CPEB1: variants seen among roughly 807,000 people sequenced by gnomAD.
CPEB1 encodes cytoplasmic polyadenylation element-binding protein 1.
A neutral mutation model predicts 65.8 loss-of-function variants in CPEB1; 7 were observed. That is an observed-to-expected ratio of 0.11 (90% CI 0.06 to 0.20). The LOEUF (loss-of-function observed/expected upper bound fraction) is 0.20. CPEB1 is among the 10% of genes least tolerant of loss of function. CPEB1 has a pLI of 1.00. For missense variants in CPEB1, 551 were observed against 712.2 expected (o/e 0.77, Z 2.58); for synonymous variants, 262 against 260.0 (o/e 1.01, Z -0.08).
At chr15:82,647,773 G>A (rs939880335), upstream of CPEB1, 21 of 1,178,054 alleles carry the variant, frequency 1.8e-5, no homozygotes, top group Non-Finnish European at 2.1e-5. Context: ...GGGTACCGCG[G>A]CGCCGGACCC....
chr15:82,641,796 G>C (rs2047139761), intron 1 of CPEB1: 1 of 151,306 alleles, frequency 6.6e-6, no homozygotes, highest in South Asian at 2.1e-4. Context: ...ATGCCTAAGT[G>C]TTCTCCTGAA....
intron 8 of CPEB1, among the ~76,000 whole-genome samples, chr15:82,552,831 G>C (rs927190762): frequency 6.6e-6 from 1 of 152,242 alleles, no homozygotes; most frequent in Non-Finnish European, 1.5e-5. Context: ...GGAAAGGACT[G>C]GCAAGCTGAG....
At chr15:82,573,958 T>C (rs531891803) in intron 3 of CPEB1, among the ~76,000 whole-genome samples, 5 of 151,988 alleles carry the variant, frequency 3.3e-5, no homozygotes, top group African/African-American at 9.7e-5. Context: ...GACAAAGTAG[T>C]TCCCATCTCA....
At chr15:82,575,032 C>T (rs1308362561) in intron 3 of CPEB1, among the ~76,000 whole-genome samples, 1 of 152,102 alleles carries the variant, frequency 6.6e-6, no homozygotes, top group African/African-American at 2.4e-5. Flanking sequence ...GTGATGAACA[C>T]CTCATGTAAT....
chr15:82,570,512 C>G (rs1394116905), intron 4 of CPEB1, among the ~76,000 whole-genome samples: 1 of 151,926 alleles, frequency 6.6e-6, no homozygotes, highest in Non-Finnish European at 1.5e-5. Flanking sequence ...ACATTTCTTC[C>G]TGAATACTCC....
intron 1 of CPEB1, among the ~76,000 whole-genome samples, chr15:82,642,101 T>C (rs1468697993): frequency 6.6e-6 from 1 of 152,224 alleles, no homozygotes; most frequent in South Asian, 2.1e-4. Context: ...AAATGCACTG[T>C]TGGGGCAGGT....
At chr15:82,548,639 A>G (rs1031944936) in intron 10 of CPEB1, 1 of 440,552 alleles carries the variant, frequency 2.3e-6, no homozygotes. Context: ...CCAGCAGTTG[A>G]ACTGAACCTC....
chr15:82,610,427 C>T (rs939857965), intron 3 of CPEB1, among the ~76,000 whole-genome samples: 1 of 152,086 alleles, frequency 6.6e-6, no homozygotes, highest in Non-Finnish European at 1.5e-5. Context: ...ATAGACCTAT[C>T]TGTTTATTAA....
intron 3 of CPEB1, among the ~76,000 whole-genome samples, chr15:82,581,537 A>G (rs570016898): frequency 6.6e-6 from 1 of 152,302 alleles, no homozygotes; most frequent in African/African-American, 2.4e-5. Flanking sequence ...TCTTTTCCCC[A>G]GCAGCAGTAC....
At chr15:82,575,404 A>G (rs541305254) in intron 3 of CPEB1, among the ~76,000 whole-genome samples, 2 of 152,350 alleles carry the variant, frequency 1.3e-5, no homozygotes, top group Admixed American at 1.3e-4. Flanking sequence ...GAGGGGGAGT[A>G]CATAGAAGCA....
intron 4 of CPEB1, among the ~76,000 whole-genome samples, chr15:82,558,741 A>G (rs545902651): frequency 1.3e-5 from 2 of 152,332 alleles, no homozygotes; most frequent in Non-Finnish European, 2.9e-5. Flanking sequence ...GGACAGCTCA[A>G]TAATTAGATA....
intron 12 of CPEB1, among the ~76,000 whole-genome samples, chr15:82,545,387 T>C (rs1054087218): frequency 6.6e-6 from 1 of 152,198 alleles, no homozygotes; most frequent in African/African-American, 2.4e-5. Flanking sequence ...ATGGCATCAC[T>C]GCAACAAATT....
chr15:82,619,806 AAACCATC>A lies in CPEB1; in HGVS notation c.271+7380_271+7386del, dbSNP rs1273810134. ...TATTGATGAGGATATGAAACAACCC[AAACCATC>A]GTACACCACTGGAAGTGTAAACTGG... On this transcript the variant is annotated intron_variant, in intron 3 of 12. Coordinates refer to ENST00000684509, the MANE Select transcript of CPEB1 (RefSeq NM_001365242.1). Among the ~76,000 whole-genome samples, 11 of 152,308 alleles carry A rather than the reference AAACCATC, an allele frequency of 7.2e-5. No individual in the cohort carries two copies. The East Asian group carries it at 1.9e-3, about 27-fold the overall frequency.
At chr15:82,578,690 G>A (rs1324347923) in intron 3 of CPEB1, among the ~76,000 whole-genome samples, 1 of 152,060 alleles carries the variant, frequency 6.6e-6, no homozygotes, top group African/African-American at 2.4e-5. Context: ...CCAAGAGGCG[G>A]AGGTTGCAGT....
intron 3 of CPEB1, among the ~76,000 whole-genome samples, chr15:82,576,130 T>C (rs1367563054): frequency 6.6e-6 from 1 of 152,152 alleles, no homozygotes; most frequent in African/African-American, 2.4e-5. Flanking sequence ...CATACTATTA[T>C]TCAGCAATAA....
In CPEB1 at chr15:82,557,939, G is replaced by A; in HGVS notation, c.508C>T (p.Pro170Ser). ...NPLGNVLGKP[P>S]LSFLPLDPLG... ...GGATCCAGAGGCAGGAAGCTCAAGGGGGGTTTTCCTAGGACATTTCCCAGT... is the reference window on the plus strand; with the variant it reads ...GGATCCAGAGGCAGGAAGCTCAAGGAGGGTTTTCCTAGGACATTTCCCAGT... The change falls in exon 5 of 13, where the codon CCC becomes TCC. Residue 170 changes from proline (P) to serine (S), a missense_variant. Around this residue, in one of 6 missense-constraint regions of CPEB1, gnomAD observed 223 missense variants for 228.6 expected, o/e 0.98. Transcript: ENST00000684509. 6.2e-7 allele frequency: 1 copy of A among 1,613,684 alleles called. No homozygotes were observed. The highest frequency in any genetic ancestry group is 1.1e-5 in the South Asian group (1 of 91,042).
intron 3 of CPEB1, among the ~76,000 whole-genome samples, chr15:82,574,283 G>T (rs185620231): frequency 1.1e-4 from 16 of 152,252 alleles, no homozygotes; most frequent in African/African-American, 3.9e-4. Context: ...CATTAGTGTG[G>T]CAGGCTGGAA....
At chr15:82,552,756 T>A (rs531138354) in intron 8 of CPEB1, 140 bp from the exon 9 acceptor site, 10 of 923,782 alleles carry the variant, frequency 1.1e-5, no homozygotes, top group Non-Finnish European at 1.5e-5. Context: ...TGAAAAGTCG[T>A]GTTGAGTGGA....
chr15:82,619,883 C>T (rs561584605), intron 3 of CPEB1, among the ~76,000 whole-genome samples: 24 of 152,224 alleles, frequency 1.6e-4, no homozygotes, highest in African/African-American at 4.8e-4. Flanking sequence ...GATAAACATA[C>T]GTATACCCTA....
Sources: allele counts gnomAD v4.1 joint callset (sites outside exome capture counted in the v4.1 genomes callset), GRCh38; gene constraint gnomAD v4.1.1; regional missense constraint gnomAD v4.1.1; transcripts MANE v1.5; gene names NCBI Gene and HGNC (gene_info 2026-07-23, HGNC 2026-07-21).